NSUN6: variants seen among roughly 807,000 people sequenced by gnomAD.
The protein encoded by NSUN6 is NOP2/Sun RNA methyltransferase 6, also known as tRNA (cytosine(72)-C(5))-methyltransferase NSUN6.
Under a neutral mutation model 58.0 loss-of-function variants are expected in NSUN6, and 64 were observed. The ratio of observed to expected loss-of-function variants is 1.10; its 90% CI spans 0.90 to 1.36. The LOEUF (loss-of-function observed/expected upper bound fraction) is 1.36, where lower values mean the gene tolerates loss of function less well. NSUN6 is among the 40% of genes most tolerant of loss of function. The probability of loss-of-function intolerance (pLI) is 0.00; values close to 1 mark genes in which losing one functional copy is unlikely to be tolerated. For synonymous variants in NSUN6, 231 were observed against 193.9 expected, an observed-to-expected ratio of 1.19 and a Z score of -1.59; for missense variants, 701 against 550.1, an observed-to-expected ratio of 1.27 and a Z score of -2.74.
At chr10:18,608,638 C>CAAAA (rs5783614) in intron 6 of NSUN6, among the ~76,000 whole-genome samples, 4 of 107,576 alleles carry the variant, frequency 3.7e-5, no homozygotes, top group Non-Finnish European at 3.7e-5. Flanking sequence ...GATCCTGTCT[C>CAAAA]AAAAAAAAAA....
intron 6 of NSUN6, among the ~76,000 whole-genome samples, chr10:18,607,059 C>G (rs1448999133): frequency 6.6e-6 from 1 of 152,092 alleles, no homozygotes; most frequent in African/African-American, 2.4e-5. Flanking sequence ...AAATAATTTT[C>G]AATATATTAT....
chr10:18,572,188 T>C (rs1289537691), intron 8 of NSUN6, among the ~76,000 whole-genome samples: 1 of 150,598 alleles, frequency 6.6e-6, no homozygotes, highest in African/African-American at 2.5e-5. Context: ...TTCCATTCTA[T>C]TGTCTATTCC....
Position 18,612,930 on chromosome 10 carries a change from C to G in NSUN6, c.575+1530G>C, listed in dbSNP as rs544357939. On this transcript the variant is annotated intron_variant, in intron 5 of 10. Coordinates refer to ENST00000377304, the MANE Select transcript of NSUN6 (RefSeq NM_182543.5). ...CAAGAAAGCAAAGGACTCAAATTCA[C>G]TAACTGAATAGCAATTGTACCATTA... is the stretch of plus-strand genomic sequence containing the variant. Among the ~76,000 whole-genome samples the G allele has an allele frequency of 2.0e-5, 3 of 152,260 alleles. No homozygotes were observed. In the East Asian group the frequency reaches 5.8e-4, roughly 29 times the overall value.
chr10:18,605,832 G>A (rs1469309048), intron 6 of NSUN6, among the ~76,000 whole-genome samples: 2 of 151,898 alleles, frequency 1.3e-5, no homozygotes, highest in African/African-American at 4.8e-5. Flanking sequence ...CTTATGACAG[G>A]GATCTAATAA....
chr10:18,618,512 G>A (rs1008141207), intron 3 of NSUN6, among the ~76,000 whole-genome samples: 6 of 151,670 alleles, frequency 4.0e-5, no homozygotes, highest in African/African-American at 1.2e-4. Context: ...AGAAATCCCC[G>A]TCTCTACTAA....
intron 1 of NSUN6, among the ~76,000 whole-genome samples, chr10:18,648,956 A>C (rs1369038407): frequency 6.6e-6 from 1 of 152,250 alleles, no homozygotes; most frequent in African/African-American, 2.4e-5. Context: ...ACATAAATTC[A>C]GGAATTCAGT....
intron 7 of NSUN6, among the ~76,000 whole-genome samples, chr10:18,594,744 C>T (rs1329494210): frequency 6.6e-6 from 1 of 152,184 alleles, no homozygotes; most frequent in Non-Finnish European, 1.5e-5. Flanking sequence ...ATTGCTGCCC[C>T]ACTGTGGCTG....
intron 6 of NSUN6, among the ~76,000 whole-genome samples, chr10:18,606,255 C>G (rs1325373925): frequency 3.3e-5 from 5 of 152,066 alleles, no homozygotes; most frequent in African/African-American, 4.8e-5. Context: ...TCATGTACCC[C>G]CTGATAAGGA....
At chr10:18,558,751 G>C (rs1296419163) in intron 8 of NSUN6, among the ~76,000 whole-genome samples, 1 of 150,100 alleles carries the variant, frequency 6.7e-6, no homozygotes, top group Non-Finnish European at 1.5e-5. Context: ...GAAAGGAATG[G>C]AATGGAGGTT....
intron 7 of NSUN6, among the ~76,000 whole-genome samples, chr10:18,587,824 G>A (rs544658301): frequency 1.3e-5 from 2 of 152,122 alleles, no homozygotes; most frequent in South Asian, 4.2e-4. Flanking sequence ...CATGGGCCCT[G>A]GGTTTCAAGC....
rs1219717371 is a variant in NSUN6, at chr10:18,561,421, G to A, written c.923-9450C>T. Among the ~76,000 whole-genome samples the A allele has an allele frequency of 4.5e-5, 4 of 88,402 alleles. 1 individual carries two copies. The highest frequency in any genetic ancestry group is 9.6e-5 in the Non-Finnish European group (4 of 41,842). The allele number at this position is 88,402 out of a possible 152,430, so 58.0% of individuals were successfully genotyped here. On this transcript the variant is annotated intron_variant, in intron 8 of 10. Coordinates refer to ENST00000377304, the MANE Select transcript of NSUN6 (RefSeq NM_182543.5). ...GAATGGAATGCAGAATGGAATGGAG[G>A]ATGGTATGGAAAATGGAATGGAATG...
chr10:18,654,120 G>A (rs1317012646), upstream of NSUN6, among the ~76,000 whole-genome samples: 7 of 152,038 alleles, frequency 4.6e-5, no homozygotes, highest in Non-Finnish European at 8.8e-5. Context: ...CACTGCCCTC[G>A]AGTCTCACTC....
rs1429594177 is a variant in NSUN6, at chr10:18,548,571, T to C, written c.1072-334A>G. Reference sequence around the variant, plus strand: ...ACATCAACTTGTTAAATTCCCTACTTAAATGTTCAGTTGGCTTCTTAACAT... The same window carrying C: ...ACATCAACTTGTTAAATTCCCTACTCAAATGTTCAGTTGGCTTCTTAACAT... On this transcript the variant is annotated intron_variant, in intron 9 of 10. Transcript: ENST00000377304. 2.1e-4 allele frequency among the ~76,000 whole-genome samples: 32 copies of C among 152,206 alleles called. 2 individuals are homozygous for C. The highest frequency in any genetic ancestry group is 2.1e-3 in the Admixed American group (32 of 15,278).
At chr10:18,613,747 C>G (rs2058316941) in intron 5 of NSUN6, among the ~76,000 whole-genome samples, 1 of 152,108 alleles carries the variant, frequency 6.6e-6, no homozygotes, top group Admixed American at 6.5e-5. Context: ...ATTACAAACC[C>G]AAACTGTTGC....
chr10:18,604,118 G>A (rs2057957551), intron 6 of NSUN6, among the ~76,000 whole-genome samples: 1 of 152,062 alleles, frequency 6.6e-6, no homozygotes, highest in African/African-American at 2.4e-5. Context: ...GGAGGCGGAG[G>A]CTGCAGTGAG....
upstream of NSUN6, chr10:18,655,110 TC>T: frequency 1.0e-6 from 1 of 981,924 alleles, no homozygotes; most frequent in Non-Finnish European, 1.2e-6. Flanking sequence ...TCTCTGAAAA[TC>T]CAGCAGTCCA....
intron 8 of NSUN6, among the ~76,000 whole-genome samples, 180 bp from the exon 9 acceptor site, chr10:18,552,151 T>C (rs2054645980): frequency 7.8e-6 from 1 of 128,588 alleles, no homozygotes; most frequent in South Asian, 2.8e-4. Context: ...TTTGATGTGG[T>C]AGAAAGGTTT....
rs537954603 is a variant in NSUN6 at position 18,588,066 on chromosome 10, G to A, written c.778-1973C>T. 2.6e-5 allele frequency among the ~76,000 whole-genome samples: 4 copies of A among 152,316 alleles called. No homozygotes were observed. In the South Asian group the frequency reaches 8.3e-4, roughly 32 times the overall value. On this transcript the variant is annotated intron_variant, in intron 7 of 10. Transcript: ENST00000377304. ...GCCAGCACAGCAGTCTGGAGTCAAC[G>A]TGGGATGACCGAGCTTGGTGGGCAT...
chr10:18,613,571 A>G (rs1309691781), intron 5 of NSUN6, among the ~76,000 whole-genome samples: 6 of 152,186 alleles, frequency 3.9e-5, no homozygotes. Flanking sequence ...ATCAATTACC[A>G]ATTACAGGTC....
Sources: gnomAD v4.1 joint callset for allele counts (sites outside exome capture counted in the v4.1 genomes callset) on GRCh38, gnomAD v4.1.1 for gene constraint, MANE v1.5 for transcripts, NCBI Gene and HGNC (gene_info 2026-07-23, HGNC 2026-07-21) for gene names.